Variants in PKHD1L1 observed in about 807,000 individuals in gnomAD.
PKHD1L1 encodes the protein fibrocystin-L.
In PKHD1L1, 434 loss-of-function variants were observed where a neutral mutation model predicts 462.9. The ratio of observed to expected loss-of-function variants is 0.94; its 90% CI spans 0.87 to 1.02. The LOEUF (loss-of-function observed/expected upper bound fraction) is 1.02. PKHD1L1 is among the 50% of genes least tolerant of loss of function. PKHD1L1 has a pLI of 0.00. For missense variants in PKHD1L1, 5,202 were observed against 5,096.1 expected (o/e 1.02, Z -0.63); for synonymous variants, 1,781 against 1,750.0 (o/e 1.02, Z -0.44).
intron 16 of PKHD1L1, 84 bp from the exon 17 acceptor site, chr8:109,406,251 A>G: frequency 7.6e-7 from 1 of 1,318,694 alleles, no homozygotes; most frequent in Non-Finnish European, 1.0e-6. Context: ...AAATATAAAT[A>G]CGAGACATCA....
In PKHD1L1 at chr8:109,536,757, T is replaced by C. The variant is rs921941204; in HGVS notation, c.*6667T>C. On this transcript the variant is annotated 3_prime_UTR_variant, in exon 78 of 78. Transcript: ENST00000378402. ...TGGTTAACTCTAAATTGTTACTAAA[T>C]TTTGAATCTTCCTGTATTTAGCAAT... Among the ~76,000 whole-genome samples, 6 of 152,210 alleles carry C rather than the reference T, an allele frequency of 3.9e-5. No homozygotes were observed. The highest frequency in any genetic ancestry group is 5.9e-5 in the Non-Finnish European group (4 of 68,034).
At chr8:109,518,140 T>C in intron 72 of PKHD1L1, 27 bp from the exon 73 acceptor site, 5 of 1,379,870 alleles carry the variant, frequency 3.6e-6, no homozygotes, top group Non-Finnish European at 4.0e-6. Flanking sequence ...TACTTAGCTG[T>C]GATGTTCTGG....
At chr8:109,385,906 G>A (rs192447851) in intron 6 of PKHD1L1, among the ~76,000 whole-genome samples, 7 of 152,134 alleles carry the variant, frequency 4.6e-5, no homozygotes, top group Non-Finnish European at 1.0e-4. Flanking sequence ...AAGTCCAATA[G>A]TAATTGAGTT....
chr8:109,443,422 C>T (rs930099334), intron 36 of PKHD1L1, among the ~76,000 whole-genome samples: 1 of 152,164 alleles, frequency 6.6e-6, no homozygotes, highest in African/African-American at 2.4e-5. Context: ...TTGTTATTTT[C>T]CCCATGGGGT....
At chr8:109,388,692 G>A (rs1004260167) in intron 7 of PKHD1L1, 142 bp downstream of exon 7, 19 of 645,624 alleles carry the variant, frequency 2.9e-5, no homozygotes, top group Non-Finnish European at 4.5e-5. Context: ...TAGCGCATTA[G>A]CAATCATTTT....
Position 109,445,328 on chromosome 8 carries a change from G to T in PKHD1L1, c.5459G>T (p.Gly1820Val), listed in dbSNP as rs772181606. Residue 1820 changes from glycine to valine, a missense_variant, in exon 38 of 78, where the codon GGC (glycine) becomes GTC (valine). By Grantham distance (109) the Gly-to-Val change is moderately radical. This residue lies in a region of PKHD1L1 where 4,497 missense variants were observed against 4,336.8 expected (regional missense o/e 1.04). Transcript: ENST00000378402. ...HSVSVVVGSK[G>V]LALGNLTVSS... ...GTTAGTGTTGTGGTGGGAAGTAAAG[G>T]CTTGGCTCTGGGAAACCTGACTGTC... 3 of 1,613,916 alleles carry T rather than the reference G, an allele frequency of 1.9e-6. No homozygotes were observed. Among genetic ancestry groups the T allele is most frequent in the African/African-American group, 1.3e-5 (1 of 75,018 alleles).
chr8:109,471,461 A>G (rs1371860379), intron 50 of PKHD1L1, among the ~76,000 whole-genome samples: 1 of 152,196 alleles, frequency 6.6e-6, no homozygotes, highest in Non-Finnish European at 1.5e-5. Context: ...GTGAGACTGT[A>G]CATAATTGCA....
Position 109,408,097 on chromosome 8 carries a change from C to CACTGGATATT in PKHD1L1, c.1865_1874dup (p.Glu626GlyfsTer25), listed in dbSNP as rs1276102192. The stretch of plus-strand genomic sequence containing the variant: ...GAAGTAGTTGAAGGGAATAATGTCA[C>CACTGGATATT]ACTGGATATTACAGAACAAACCAAA... On this transcript the variant is annotated frameshift_variant, in exon 18 of 78. Transcript: ENST00000378402. LOFTEE classifies it high-confidence loss of function. 6.2e-7 allele frequency: 1 copy of CACTGGATATT among 1,612,404 alleles called. No individual in the cohort carries two copies. Among genetic ancestry groups the CACTGGATATT allele is most frequent in the East Asian group, 2.2e-5 (1 of 44,834 alleles).
chr8:109,401,974 A>G (rs559727217), intron 14 of PKHD1L1, among the ~76,000 whole-genome samples: 1 of 152,144 alleles, frequency 6.6e-6, no homozygotes, highest in Non-Finnish European at 1.5e-5. Flanking sequence ...CACTTTTAAT[A>G]TGTATTTGTT....
chr8:109,376,343 T>C (rs966599617), intron 2 of PKHD1L1, among the ~76,000 whole-genome samples: 1 of 152,208 alleles, frequency 6.6e-6, no homozygotes, highest in African/African-American at 2.4e-5. Context: ...GTTAAGCCCG[T>C]TGGCAAAGCA....
chr8:109,454,141 G>A lies in PKHD1L1; in HGVS notation c.6665-26G>A, dbSNP rs748751910. On this transcript the variant is annotated intron_variant, in intron 43 of 77. Coordinates refer to ENST00000378402, the MANE Select transcript of PKHD1L1 (RefSeq NM_177531.6). ...TTTTAACAAGATTTTTCCTTGTGAT[G>A]TATTTCAAAATTGTATGATTCATAG... 3.4e-6 allele frequency: 5 copies of A among 1,491,702 alleles called. No homozygotes were observed. The East Asian group carries it at 6.9e-5, about 21-fold the overall frequency. The allele number at this position is 1,491,702 out of a possible 1,614,324, so 92.4% of individuals were successfully genotyped here.
At chr8:109,437,942 T>A (rs1293584736) in intron 30 of PKHD1L1, among the ~76,000 whole-genome samples, 1 of 152,152 alleles carries the variant, frequency 6.6e-6, no homozygotes, top group Non-Finnish European at 1.5e-5. Context: ...ATGTGATTTG[T>A]CAGAGAAGAG....
At chr8:109,413,796 TAAAAAGACAAAACAATGGTAAACTTTAG>T (rs1813986655) in intron 21 of PKHD1L1, among the ~76,000 whole-genome samples, 1 of 151,996 alleles carries the variant, frequency 6.6e-6, no homozygotes, top group Admixed American at 6.6e-5. Context: ...CCCATAACCA[TAAAAAGACAAAACAATGGTAAACTTTAG>T]AATTTAAATT....
rs754230858 is a variant in PKHD1L1 at position 109,496,936 on chromosome 8, GA to G, written c.10349del (p.Lys3450SerfsTer16). On this transcript the variant is annotated frameshift_variant, in exon 64 of 78. Transcript: ENST00000378402. LOFTEE classifies it high-confidence loss of function. ...EPCPGQFNPV[E>X]KWFDNEAHGG... ...CCTCCAAGGCCAGTTTAATCCTGTG[GA>G]AAAGTGGTTTGACAATGAAGCCCAT... 1 of 1,613,288 alleles carries G rather than the reference GA, an allele frequency of 6.2e-7. No individual in the cohort carries two copies. Among genetic ancestry groups the G allele is most frequent in the South Asian group, 1.1e-5 (1 of 90,938 alleles).
intron 5 of PKHD1L1, among the ~76,000 whole-genome samples, chr8:109,384,411 C>T (rs1380833119): frequency 6.6e-6 from 1 of 151,868 alleles, no homozygotes; most frequent in South Asian, 2.1e-4. Context: ...GGCTTGGTGG[C>T]AAGCACCTTT....
At position 109,416,836 on chromosome 8, in the gene PKHD1L1, A is replaced by T. The variant is rs377670569; in HGVS notation, c.2361-2261A>T. Among the ~76,000 whole-genome samples, 6 of 152,340 alleles carry T rather than the reference A, an allele frequency of 3.9e-5. No homozygotes were observed. In the East Asian group the frequency reaches 9.6e-4, roughly 24 times the overall value. On this transcript the variant is annotated intron_variant, in intron 21 of 77. Coordinates refer to ENST00000378402, the MANE Select transcript of PKHD1L1 (RefSeq NM_177531.6). ...GCTACAGTCCATCTTTATGAAGCAG[A>T]AATCCTTCTCAAAGGGACATCTGAG... is the stretch of plus-strand genomic sequence containing the variant.
At chr8:109,417,061 A>T (rs1814212747) in intron 21 of PKHD1L1, among the ~76,000 whole-genome samples, 1 of 152,148 alleles carries the variant, frequency 6.6e-6, no homozygotes, top group African/African-American at 2.4e-5. Context: ...ATAATTTGGG[A>T]TGGCTGAAGG....
At chr8:109,465,608 T>C (rs1407979268) in intron 49 of PKHD1L1, among the ~76,000 whole-genome samples, 1 of 152,204 alleles carries the variant, frequency 6.6e-6, no homozygotes, top group Non-Finnish European at 1.5e-5. Context: ...AGAAACTGCT[T>C]ACATCACTAC....
At chr8:109,417,045 T>C (rs1253205326) in intron 21 of PKHD1L1, among the ~76,000 whole-genome samples, 2 of 152,196 alleles carry the variant, frequency 1.3e-5, no homozygotes, top group Non-Finnish European at 2.9e-5. Context: ...GTTCTCTTTT[T>C]AGCCTATAAT....
Sources: gnomAD v4.1 joint callset for allele counts (sites outside exome capture counted in the v4.1 genomes callset) on GRCh38, gnomAD v4.1.1 for gene constraint, gnomAD v4.1.1 regional missense constraint, MANE v1.5 for transcripts, NCBI Gene and HGNC (gene_info 2026-07-23, HGNC 2026-07-21) for gene names.